The following CEACAM5 variants were observed in gnomAD, a reference collection of about 807,000 sequenced individuals.
CEACAM5 encodes the protein CEA cell adhesion molecule 5.
A neutral mutation model predicts 63.0 loss-of-function variants in CEACAM5; 52 were observed. The ratio of observed to expected loss-of-function variants is 0.83; its 90% CI spans 0.66 to 1.04. CEACAM5 has a LOEUF of 1.04. Ranked by LOEUF, CEACAM5 falls within the 50% of genes least tolerant of loss-of-function variation. CEACAM5 has a pLI of 0.00. For missense variants in CEACAM5, 790 were observed against 864.8 expected, an observed-to-expected ratio of 0.91 and a Z score of 1.08; for synonymous variants, 357 against 351.3, an observed-to-expected ratio of 1.02 and a Z score of -0.18.
At chr19:41,710,219 C>T (rs1006264088) in intron 2 of CEACAM5, 180 bp downstream of exon 2, 52 of 997,736 alleles carry the variant, frequency 5.2e-5, no homozygotes, top group African/African-American at 2.3e-4. Context: ...AATTCCTTTC[C>T]GGCATCCAGA....
In CEACAM5 at chr19:41,721,151, C is replaced by T. The variant is rs782467635; in HGVS notation, c.2001C>T (p.Ser667=). 7.4e-6 allele frequency: 12 copies of T among 1,614,210 alleles called. No homozygotes were observed. The South Asian group carries it at 1.3e-4, about 18-fold the overall frequency. The change falls in exon 8 of 10, where the codon TCC becomes TCT. Residue 667 remains serine (S), a synonymous_variant. Transcript: ENST00000221992. ...VSNLATGRNN[S]IVKSITVSAS... Reference sequence around the variant, plus strand: ...ACTTGGCTACTGGCCGCAATAATTCCATAGTCAAGAGCATCACAGTCTCTG... The same window carrying T: ...ACTTGGCTACTGGCCGCAATAATTCTATAGTCAAGAGCATCACAGTCTCTG...
intron 1 of CEACAM5, 41 bp downstream of exon 1, chr19:41,708,836 CTGGGGTCTCCTGGGTAGG>C (rs781859738): frequency 2.7e-5 from 41 of 1,498,966 alleles, no homozygotes; most frequent in Middle Eastern, 1.7e-4. Flanking sequence ...GAGGAGGGAG[CTGGGGTCTCCTGGGTAGG>C]ACAGGGCTGT....
At chr19:41,726,512 T>C (rs1225115796) in intron 8 of CEACAM5, among the ~76,000 whole-genome samples, 2 of 152,214 alleles carry the variant, frequency 1.3e-5, no homozygotes, top group Non-Finnish European at 2.9e-5. Flanking sequence ...ATGTTAGTTT[T>C]CATCCACTGA....
Position 41,717,704 on chromosome 19 carries a change from A to T in CEACAM5, c.1208A>T (p.His403Leu). The T allele has an allele frequency of 1.9e-6, 3 of 1,614,156 alleles. No homozygotes were observed. In the South Asian group the frequency reaches 3.3e-5, roughly 18 times the overall value. The change falls in exon 5 of 10, where the codon CAC (histidine) becomes CTC (leucine). Residue 403 changes from histidine to leucine, a missense_variant. Transcript: ENST00000221992. ...ATCCAGAACGAATTAAGTGTTGACC[A>T]CAGCGACCCAGTCATCCTGAATGTC... is the stretch of plus-strand genomic sequence containing the variant. ...CGIQNELSVDHSDPVILNVLY... is the reference protein window; with the variant it reads ...CGIQNELSVDLSDPVILNVLY...
rs2072742561 is a variant in CEACAM5, at chr19:41,729,361, T to G, written c.*214T>G. ...TGAGCTGGGCTTGGTGGCGCACACC[T>G]GTAGTCCCAGTTACTCGGGAGGCTG... On this transcript the variant is annotated 3_prime_UTR_variant, in exon 10 of 10. Coordinates refer to ENST00000221992, the MANE Select transcript of CEACAM5 (RefSeq NM_004363.6). 1 of 152,170 alleles carries G rather than the reference T, an allele frequency of 6.6e-6. No homozygotes were observed. The highest frequency in any genetic ancestry group is 6.5e-5 in the Admixed American group (1 of 15,282). 9.4% of individuals were successfully genotyped at this position (152,170 alleles called of 1,614,324 possible). A position where few individuals can be genotyped will look rare whatever the true frequency, so the allele number is the denominator to read the frequency against.
In CEACAM5 at chr19:41,719,920, A is replaced by T. The variant is rs373678802; in HGVS notation, c.1493-10A>T. 19 of 1,614,032 alleles carry T rather than the reference A, an allele frequency of 1.2e-5. No homozygotes were observed. Among genetic ancestry groups the T allele is most frequent in the Admixed American group, 1.7e-5 (1 of 60,010 alleles). ...CACACAGGGCAATCTTCTCTCTGTT[A>T]TCTGCACAGCGGAGCTGCCCAAGCC... On this transcript the variant is annotated splice_polypyrimidine_tract_variant and intron_variant, in intron 6 of 9. Coordinates refer to ENST00000221992, the MANE Select transcript of CEACAM5 (RefSeq NM_004363.6).
chr19:41,720,372 C>T (rs1555815936), intron 7 of CEACAM5, among the ~76,000 whole-genome samples, 164 bp downstream of exon 7: 1 of 152,200 alleles, frequency 6.6e-6, no homozygotes, highest in East Asian at 1.9e-4. Context: ...GCAACCTCAG[C>T]CTGGACCAAG....
intron 7 of CEACAM5, among the ~76,000 whole-genome samples, chr19:41,720,440 G>T (rs1238057150): frequency 6.6e-6 from 1 of 152,124 alleles, no homozygotes; most frequent in East Asian, 1.9e-4. Context: ...AGCCTATGAT[G>T]GGAGAAACAG....
Position 41,718,239 on chromosome 19 carries a change from T to C in CEACAM5, c.1349T>C (p.Leu450Pro). The C allele has an allele frequency of 6.2e-7, 1 of 1,614,196 alleles. No homozygotes were observed. The highest frequency in any genetic ancestry group is 1.1e-5 in the South Asian group (1 of 91,082). The change falls in exon 6 of 10, where the codon CTG becomes CCG. Residue 450 changes from leucine (L) to proline (P), a missense_variant. Coordinates refer to ENST00000221992, the MANE Select transcript of CEACAM5 (RefSeq NM_004363.6). ...ASNPPAQYSWLIDGNIQQHTQ... is the reference protein window; with the variant it reads ...ASNPPAQYSWPIDGNIQQHTQ... ...AACCCACCTGCACAGTATTCTTGGC[T>C]GATTGATGGGAACATCCAGCAACAC...
chr19:41,727,260 G>T lies in CEACAM5; in HGVS notation c.2053G>T (p.Ala685Ser). 6.2e-7 allele frequency: 1 copy of T among 1,614,074 alleles called. No homozygotes were observed. Among genetic ancestry groups the T allele is most frequent in the Non-Finnish European group, 8.5e-7 (1 of 1,179,952 alleles). Residue 685 changes from alanine (A) to serine (S), a missense_variant, in exon 9 of 10, where the codon GCT becomes TCT. Transcript: ENST00000221992. Reference protein sequence around the residue: ...SASGTSPGLSAGATVGIMIGV... With the variant: ...SASGTSPGLSSGATVGIMIGV... ...ATCTGGAACTTCTCCTGGTCTCTCAGCTGGGGCCACTGTCGGCATCATGAT... is the reference window on the plus strand; with the variant it reads ...ATCTGGAACTTCTCCTGGTCTCTCATCTGGGGCCACTGTCGGCATCATGAT...
At chr19:41,725,447 T>G (rs1486717643) in intron 8 of CEACAM5, among the ~76,000 whole-genome samples, 1 of 151,902 alleles carries the variant, frequency 6.6e-6, no homozygotes, top group Non-Finnish European at 1.5e-5. Context: ...CATAGCTTAC[T>G]GCAGCCTCAA....
chr19:41,712,242 T>G (rs1010396189), intron 2 of CEACAM5, among the ~76,000 whole-genome samples: 1 of 152,356 alleles, frequency 6.6e-6, no homozygotes, highest in Non-Finnish European at 1.5e-5. Context: ...CAGGTGGAGC[T>G]GGCCAGGCAG....
intron 6 of CEACAM5, among the ~76,000 whole-genome samples, chr19:41,719,106 G>A (rs1330633504): frequency 1.3e-5 from 2 of 152,168 alleles, no homozygotes; most frequent in African/African-American, 4.8e-5. Context: ...CAGCACATGG[G>A]ACACAGCACA....
At position 41,713,021 on chromosome 19, in the gene CEACAM5, T is replaced by G. The variant is rs541233979; in HGVS notation, c.425-1950T>G. ...CATGATTCTCAAAAGAAATGCTCAC[T>G]GAAGGCCGGGCACGGTGGCTCATGC... On this transcript the variant is annotated intron_variant, in intron 2 of 9. Coordinates refer to ENST00000221992, the MANE Select transcript of CEACAM5 (RefSeq NM_004363.6). 3.3e-5 allele frequency among the ~76,000 whole-genome samples: 5 copies of G among 152,314 alleles called. No homozygotes were observed. The South Asian group carries it at 1.0e-3, about 32-fold the overall frequency.
In CEACAM5 at chr19:41,709,693, C is replaced by T; in HGVS notation, c.78C>T (p.Thr26=). The T allele has an allele frequency of 1.2e-6, 2 of 1,613,732 alleles. No individual in the cohort carries two copies. The highest frequency in any genetic ancestry group is 1.7e-6 in the Non-Finnish European group (2 of 1,179,778). ...GCTCTCTCCTAGCCTCACTTCTAAC[C>T]TTCTGGAACCCGCCCACCACTGCCA... ...QRLLLTASLL[T]FWNPPTTAKL... The change falls in exon 2 of 10, where the codon ACC becomes ACT. Residue 26 remains threonine, a synonymous_variant. Transcript: ENST00000221992.
intron 7 of CEACAM5, among the ~76,000 whole-genome samples, chr19:41,720,586 A>C (rs1264738450): frequency 1.4e-5 from 2 of 140,000 alleles, no homozygotes; most frequent in Admixed American, 7.9e-5. Flanking sequence ...GGCTCACTGC[A>C]AGCTCCGCCT....
chr19:41,725,734 G>A (rs984653189), intron 8 of CEACAM5, among the ~76,000 whole-genome samples: 2 of 152,112 alleles, frequency 1.3e-5, no homozygotes, highest in South Asian at 4.1e-4. Context: ...TCTAATAAAT[G>A]ATTGTCAATT....
chr19:41,716,100 C>G (rs529782429), intron 4 of CEACAM5, among the ~76,000 whole-genome samples, 196 bp downstream of exon 4: 1 of 152,310 alleles, frequency 6.6e-6, no homozygotes, highest in East Asian at 1.9e-4. Flanking sequence ...ATGGCGGGCC[C>G]CAGGTCCAGC....
At chr19:41,714,927 C>T (rs781799066) in intron 2 of CEACAM5, 44 bp from the exon 3 acceptor site, 1 of 1,612,102 alleles carries the variant, frequency 6.2e-7, no homozygotes, top group Non-Finnish European at 8.5e-7. Flanking sequence ...TGTGAGGAAT[C>T]AAAGGTGCCA....
Sources: allele counts gnomAD v4.1 joint callset (sites outside exome capture counted in the v4.1 genomes callset), GRCh38; gene constraint gnomAD v4.1.1; transcripts MANE v1.5; gene names NCBI Gene and HGNC (gene_info 2026-07-23, HGNC 2026-07-21).